SPTLC3: variants seen among roughly 807,000 people sequenced by gnomAD.
The protein encoded by SPTLC3 is serine palmitoyltransferase long chain base subunit 3.
A neutral mutation model predicts 59.3 loss-of-function variants in SPTLC3; 36 were observed. That is an observed-to-expected ratio of 0.61 (90% CI 0.47 to 0.80). SPTLC3 has a LOEUF of 0.80. SPTLC3 is among the 30% of genes least tolerant of loss of function. SPTLC3 has a pLI of 0.00. For synonymous variants in SPTLC3, 257 were observed against 240.8 expected, an observed-to-expected ratio of 1.07 and a Z score of -0.62; for missense variants, 625 against 685.1, an observed-to-expected ratio of 0.91 and a Z score of 0.98.
intron 1 of SPTLC3, among the ~76,000 whole-genome samples, chr20:13,042,303 T>C (rs952977948): frequency 6.6e-6 from 1 of 152,166 alleles, no homozygotes; most frequent in Non-Finnish European, 1.5e-5. Context: ...ATAAGTTATC[T>C]TGGGGAATGC....
At chr20:13,153,865 A>G in intron 9 of SPTLC3, 138 bp from the exon 10 acceptor site, 1 of 1,104,034 alleles carries the variant, frequency 9.1e-7, no homozygotes, top group Non-Finnish European at 1.3e-6. Flanking sequence ...CCCAGGAGAT[A>G]TCTCCCTTCC....
intron 4 of SPTLC3, among the ~76,000 whole-genome samples, chr20:13,082,276 G>A (rs1166795884): frequency 6.6e-6 from 1 of 152,148 alleles, no homozygotes; most frequent in Non-Finnish European, 1.5e-5. Flanking sequence ...TGACTTGCCA[G>A]TCAATGTTTC....
chr20:13,079,258 A>C (rs56015929), intron 4 of SPTLC3, among the ~76,000 whole-genome samples: 41,766 of 152,034 alleles, frequency 0.27, 5,898 homozygotes, highest in Middle Eastern at 0.35. Context: ...GGTGGGTAGA[A>C]ACTAAAAGCC....
chr20:13,155,761 G>T (rs1449363623), intron 10 of SPTLC3, among the ~76,000 whole-genome samples: 2 of 152,148 alleles, frequency 1.3e-5, no homozygotes, highest in African/African-American at 4.8e-5. Flanking sequence ...GGGAGGTGGA[G>T]CTTGCAGTGA....
At chr20:13,013,982 G>A (rs533892539) in intron 1 of SPTLC3, among the ~76,000 whole-genome samples, 2 of 152,294 alleles carry the variant, frequency 1.3e-5, no homozygotes, top group South Asian at 4.1e-4. Context: ...AGCACCTTGT[G>A]TCTACTTCAC....
rs892574718 is a variant in SPTLC3 at position 13,167,660 on chromosome 20, C to T, written c.*2793C>T. 2.0e-5 allele frequency: 3 copies of T among 152,114 alleles called. No homozygotes were observed. The highest frequency in any genetic ancestry group is 2.9e-5 in the Non-Finnish European group (2 of 68,018). The allele number at this position is 152,114 out of a possible 1,614,324, so 9.4% of individuals were successfully genotyped here. ...ACTTATTCCTAATCTCATTATGAAA[C>T]GATGGTGTCATGGACGTTTAACCAT... is the stretch of plus-strand genomic sequence containing the variant. On this transcript the variant is annotated 3_prime_UTR_variant, in exon 12 of 12. Transcript: ENST00000399002.
chr20:13,093,401 T>G, intron 5 of SPTLC3, 83 bp from the exon 6 acceptor site: 1 of 1,249,890 alleles, frequency 8.0e-7, no homozygotes, highest in Non-Finnish European at 1.2e-6. Context: ...TTATAGGTTT[T>G]AGAGTGTCTT....
chr20:13,126,693 A>G lies in SPTLC3; in HGVS notation c.1255A>G (p.Met419Val), dbSNP rs765584273. Reference protein sequence around the residue: ...EQIIRSLKLIMGLDGTTQGLQ... With the variant: ...EQIIRSLKLIVGLDGTTQGLQ... ...AATCATCAGATCACTAAAACTTATC[A>G]TGGGACTGGATGGGACCACTCAAGG... Residue 419 changes from methionine to valine, a missense_variant, in exon 9 of 12, where the codon ATG becomes GTG. Physicochemically the swap from Met to Val is conservative, Grantham distance 21 (BLOSUM62 1). Transcript: ENST00000399002. 4 of 1,614,010 alleles carry G rather than the reference A, an allele frequency of 2.5e-6. No homozygotes were observed. In the African/African-American group the frequency reaches 4.0e-5, roughly 16 times the overall value.
intron 1 of SPTLC3, among the ~76,000 whole-genome samples, chr20:13,021,779 C>G (rs1436689431): frequency 2.0e-5 from 3 of 152,152 alleles, no homozygotes; most frequent in Admixed American, 6.6e-5. Flanking sequence ...GAGCAGCACC[C>G]TTCTGCAGAA....
intron 11 of SPTLC3, among the ~76,000 whole-genome samples, chr20:13,160,947 A>G (rs2122999337): frequency 6.6e-6 from 1 of 152,348 alleles, no homozygotes; most frequent in African/African-American, 2.4e-5. Context: ...ATCATTCAAG[A>G]CTTCCAATCA....
In SPTLC3 at chr20:13,022,302, C is replaced by T. The variant is rs562976680; in HGVS notation, c.117+12918C>T. On this transcript the variant is annotated intron_variant, in intron 1 of 11. Transcript: ENST00000399002. ...CCCTCAGCAACTCCCTGGTCTTAGC[C>T]CCCTTTATCTCTCACCTAAAGTATT... 1.1e-4 allele frequency among the ~76,000 whole-genome samples: 17 copies of T among 152,306 alleles called. No homozygotes were observed. In the South Asian group the frequency reaches 3.3e-3, roughly 30 times the overall value.
intron 9 of SPTLC3, among the ~76,000 whole-genome samples, chr20:13,151,187 GC>G (rs2038637137): frequency 6.6e-6 from 1 of 152,118 alleles, no homozygotes; most frequent in South Asian, 2.1e-4. Context: ...CTGCTAATAA[GC>G]TTTTTTTCTG....
At chr20:13,108,786 C>T (rs765491826) in intron 6 of SPTLC3, among the ~76,000 whole-genome samples, 1 of 152,034 alleles carries the variant, frequency 6.6e-6, no homozygotes, top group Non-Finnish European at 1.5e-5. Flanking sequence ...ATGTTGGTCC[C>T]GAACTCCTGA....
chr20:13,127,221 A>G (rs2038015328), intron 9 of SPTLC3, among the ~76,000 whole-genome samples: 1 of 152,250 alleles, frequency 6.6e-6, no homozygotes, highest in African/African-American at 2.4e-5. Flanking sequence ...GACCAGAGCT[A>G]AACTGTGCTA....
At position 13,009,034 on chromosome 20, in the gene SPTLC3, A is replaced by C. The variant is rs1402779833; in HGVS notation, c.-234A>C. 1 of 418,234 alleles carries C rather than the reference A, an allele frequency of 2.4e-6. No homozygotes were observed. Among genetic ancestry groups the C allele is most frequent in the Non-Finnish European group, 4.3e-6 (1 of 232,590 alleles). 25.9% of individuals were successfully genotyped at this position (418,234 alleles called of 1,614,324 possible). ...CAGTTTCGGAAGCAGGTTTGTTGCC[A>C]TGGAGTTCACATTTTGACGGGAGTT... On this transcript the variant is annotated 5_prime_UTR_variant, in exon 1 of 12. An upstream start codon of the reference 5' UTR is lost. Transcript: ENST00000399002.
chr20:13,164,207 A>T (rs1045447970), intron 11 of SPTLC3: 2 of 367,592 alleles, frequency 5.4e-6, no homozygotes, highest in Non-Finnish European at 1.1e-5. Flanking sequence ...GAGAGTTGAA[A>T]CAGACAAGTT....
intron 2 of SPTLC3, 113 bp from the exon 3 acceptor site, chr20:13,072,143 A>G: frequency 3.4e-6 from 4 of 1,184,752 alleles, no homozygotes; most frequent in Non-Finnish European, 4.7e-6. Flanking sequence ...CTCAAAATAT[A>G]TCTGTAGATG....
At position 13,123,523 on chromosome 20, in the gene SPTLC3, G is replaced by A. The variant is rs146294921; in HGVS notation, c.1153-3068G>A. On this transcript the variant is annotated intron_variant, in intron 8 of 11. Coordinates refer to ENST00000399002, the MANE Select transcript of SPTLC3 (RefSeq NM_018327.4). ...TTTAGTAACTGGCCCATGGTCACAC[G>A]GCAGTAAGTGGCAAAGCCAGGATTT... is the stretch of plus-strand genomic sequence containing the variant. 3.5e-4 allele frequency among the ~76,000 whole-genome samples: 54 copies of A among 152,218 alleles called. 1 individual carries two copies. The East Asian group carries it at 6.8e-3, about 19-fold the overall frequency.
chr20:13,076,952 T>C (rs1043852946), intron 4 of SPTLC3, among the ~76,000 whole-genome samples: 3 of 152,152 alleles, frequency 2.0e-5, no homozygotes, highest in Non-Finnish European at 4.4e-5. Context: ...CTGGAAATGA[T>C]ATATTTCCAG....
Sources: allele counts gnomAD v4.1 joint callset (sites outside exome capture counted in the v4.1 genomes callset), GRCh38; gene constraint gnomAD v4.1.1; transcripts MANE v1.5; gene names NCBI Gene and HGNC (gene_info 2026-07-23, HGNC 2026-07-21).